The following SESTD1 variants were observed in gnomAD, a reference collection of about 807,000 sequenced individuals.
The protein encoded by SESTD1 is SEC14 and spectrin domain containing 1.
A neutral mutation model predicts 101.7 loss-of-function variants in SESTD1; 43 were observed. The observed-to-expected ratio is 0.42, with a 90% CI of 0.33 to 0.55. SESTD1 has a LOEUF of 0.55. Among genes scored for constraint, SESTD1 ranks in the 20% least tolerant of loss-of-function variants. The pLI is 0.07. For missense variants in SESTD1, 647 were observed against 815.1 expected, an observed-to-expected ratio of 0.79 and a Z score of 2.51; for synonymous variants, 283 against 286.8, an observed-to-expected ratio of 0.99 and a Z score of 0.13.
chr2:179,176,385 T>C, intron 4 of SESTD1, 63 bp downstream of exon 4: 2 of 1,315,846 alleles, frequency 1.5e-6, no homozygotes, highest in Non-Finnish European at 1.1e-6. Context: ...GCATTTGCCA[T>C]TTTCACCAGG....
intron 17 of SESTD1, among the ~76,000 whole-genome samples, chr2:179,111,678 G>GAATC (rs2044510302): frequency 6.6e-6 from 1 of 151,020 alleles, no homozygotes; most frequent in Non-Finnish European, 1.5e-5. Flanking sequence ...TTTTCAGTAA[G>GAATC]AATCAGGTCT....
chr2:179,206,111 A>G lies in SESTD1; in HGVS notation c.-25-14245T>C, dbSNP rs1400429473. On this transcript the variant is annotated intron_variant, in intron 1 of 17. Coordinates refer to ENST00000428443, the MANE Select transcript of SESTD1 (RefSeq NM_178123.5). ...ACACCACCACCACCTCCACAATAAA[A>G]TGTTAAATAACATGAAGGTGGAAAA... 1.6e-4 allele frequency among the ~76,000 whole-genome samples: 22 copies of G among 135,378 alleles called. 3 individuals are homozygous for G. Among genetic ancestry groups the G allele is most frequent in the Non-Finnish European group, 3.5e-4 (22 of 62,966 alleles). 88.8% of individuals were successfully genotyped at this position (135,378 alleles called of 152,430 possible).
intron 1 of SESTD1, among the ~76,000 whole-genome samples, chr2:179,225,770 A>T (rs930434441): frequency 1.1e-4 from 16 of 152,124 alleles, no homozygotes; most frequent in Admixed American, 1.0e-3. Flanking sequence ...CATTCCCTTC[A>T]ATCTTGAGCC....
intron 1 of SESTD1, among the ~76,000 whole-genome samples, chr2:179,245,511 G>A (rs2105550674): frequency 1.1e-5 from 1 of 93,192 alleles, no homozygotes; most frequent in African/African-American, 5.4e-5. Context: ...GTGAGACTCT[G>A]TCTCAAAAAA....
chr2:179,140,216 T>G (rs1400266659), intron 9 of SESTD1, among the ~76,000 whole-genome samples: 1 of 152,196 alleles, frequency 6.6e-6, no homozygotes, highest in Admixed American at 6.5e-5. Flanking sequence ...TAGGCTGAAC[T>G]GTGTCCCTCC....
At chr2:179,219,441 C>T (rs6745433) in intron 1 of SESTD1, among the ~76,000 whole-genome samples, 15,833 of 152,212 alleles carry the variant, frequency 0.1, 2,718 homozygotes, top group African/African-American at 0.36. Context: ...GTCTACATCA[C>T]GTAGACACAA....
chr2:179,229,749 T>TATATATATATATATATATATATA (rs2046950405), intron 1 of SESTD1, among the ~76,000 whole-genome samples: 6 of 106,362 alleles, frequency 5.6e-5, no homozygotes, highest in African/African-American at 1.0e-4. Flanking sequence ...TTGTAAGAAC[T>TATATATATATATATATATATATA]TATATATATA....
chr2:179,123,739 G>A lies in SESTD1; in HGVS notation c.1258C>T (p.Leu420Phe). 1 of 1,612,538 alleles carries A rather than the reference G, an allele frequency of 6.2e-7. No homozygotes were observed. The highest frequency in any genetic ancestry group is 8.5e-7 in the Non-Finnish European group (1 of 1,179,440). Residue 420 changes from leucine to phenylalanine, a missense_variant, in exon 12 of 18, where the codon CTT becomes TTT. By Grantham distance (22) the Leu-to-Phe change is conservative. This residue lies in a region of SESTD1 where 476 missense variants were observed against 562.6 expected (regional missense o/e 0.85). Transcript: ENST00000428443. Reference protein sequence around the residue: ...GASIQQTLKLLEEKLKSVDVG... With the variant: ...GASIQQTLKLFEEKLKSVDVG... Reference sequence around the variant, plus strand: ...CCAACACTTTTCAGCTTCTCTTCAAGCAGTTTTAAAGTTTGCTGAATCGAT... The same window carrying A: ...CCAACACTTTTCAGCTTCTCTTCAAACAGTTTTAAAGTTTGCTGAATCGAT...
rs2046628565 is a variant in SESTD1 at position 179,209,784 on chromosome 2, C to T, written c.-25-17918G>A. ...GTCGGAAAGTGCACAAATTGACAAT[C>T]TAAGTTCACACCTCAAAGAACTAGA... On this transcript the variant is annotated intron_variant, in intron 1 of 17. Coordinates refer to ENST00000428443, the MANE Select transcript of SESTD1 (RefSeq NM_178123.5). 1.5e-5 allele frequency among the ~76,000 whole-genome samples: 2 copies of T among 133,454 alleles called. 1 individual carries two copies. Among genetic ancestry groups the T allele is most frequent in the Non-Finnish European group, 3.2e-5 (2 of 62,234 alleles). The allele number at this position is 133,454 out of a possible 152,430, so 87.6% of individuals were successfully genotyped here. A position where few individuals can be genotyped will look rare whatever the true frequency, so the allele number is the denominator to read the frequency against.
At chr2:179,148,807 T>C (rs1464879429) in intron 7 of SESTD1, among the ~76,000 whole-genome samples, 1 of 152,092 alleles carries the variant, frequency 6.6e-6, no homozygotes, top group Non-Finnish European at 1.5e-5. Flanking sequence ...ACGTCTGTAA[T>C]CCCAGCACTT....
At chr2:179,158,443 A>C (rs2045670676) in intron 5 of SESTD1, among the ~76,000 whole-genome samples, 1 of 152,174 alleles carries the variant, frequency 6.6e-6, no homozygotes, top group African/African-American at 2.4e-5. Flanking sequence ...GCCACACGGA[A>C]ATTTTCCAGT....
intron 1 of SESTD1, among the ~76,000 whole-genome samples, chr2:179,234,932 G>GAAAAAAAAA: frequency 6.9e-6 from 1 of 145,758 alleles, no homozygotes; most frequent in African/African-American, 2.5e-5. Context: ...AACATAGTGA[G>GAAAAAAAAA]ATCTCATCTC....
chr2:179,107,263 T>A lies in SESTD1; in HGVS notation c.*2636A>T, dbSNP rs954218460. ...ATAACTCTATGTACAGATACACATA[T>A]GAAAGCAGCAGCAAATTTACAGATG... On this transcript the variant is annotated 3_prime_UTR_variant, in exon 18 of 18. Transcript: ENST00000428443. 6.6e-6 allele frequency: 1 copy of A among 152,218 alleles called. No individual in the cohort carries two copies. Among genetic ancestry groups the A allele is most frequent in the Admixed American group, 6.5e-5 (1 of 15,276 alleles). The allele number at this position is 152,218 out of a possible 1,614,324, so 9.4% of individuals were successfully genotyped here.
rs374250781 is a variant in SESTD1 at position 179,112,860 on chromosome 2, A to C, written c.1840-15T>G. 2.5e-6 allele frequency: 4 copies of C among 1,603,326 alleles called. No individual in the cohort carries two copies. The highest frequency in any genetic ancestry group is 3.4e-6 in the Non-Finnish European group (4 of 1,177,920). On this transcript the variant is annotated splice_polypyrimidine_tract_variant and intron_variant, in intron 16 of 17. Transcript: ENST00000428443. ...TCCTGCAAAATCTGCAACAAATAAA[A>C]GAGCAACATCAATCAAGAGACACAG...
chr2:179,209,384 T>C lies in SESTD1; in HGVS notation c.-25-17518A>G, dbSNP rs1469892000. 4.5e-5 allele frequency among the ~76,000 whole-genome samples: 6 copies of C among 134,650 alleles called. 1 individual carries two copies. Among genetic ancestry groups the C allele is most frequent in the African/African-American group, 1.8e-4 (6 of 34,082 alleles). The allele number at this position is 134,650 out of a possible 152,430, so 88.3% of individuals were successfully genotyped here. ...CTAGAACAAATGGACTTAACAGATA[T>C]TTACAGAACATTCTACCCAACAAAT... is the stretch of plus-strand genomic sequence containing the variant. On this transcript the variant is annotated intron_variant, in intron 1 of 17. Transcript: ENST00000428443.
intron 4 of SESTD1, among the ~76,000 whole-genome samples, chr2:179,176,223 T>C (rs1312722846): frequency 6.6e-6 from 1 of 152,158 alleles, no homozygotes; most frequent in Non-Finnish European, 1.5e-5. Context: ...ACATATTATT[T>C]TCATTTACAA....
At position 179,176,524 on chromosome 2, in the gene SESTD1, G is replaced by A; in HGVS notation, c.179C>T (p.Ala60Val). ...ATCCACAATCACGGTAAATCCTCTA[G>A]CCTTACACTTCTCACTGAAACAAAA... ...LLSIPSEKCK[A>V]RGFTVIVDGR... The change falls in exon 4 of 18, where the codon GCT becomes GTT. Residue 60 changes from alanine to valine, a missense_variant. Ala to Val is a moderately conservative substitution (Grantham distance 64, BLOSUM62 0). Around this residue, in one of 3 missense-constraint regions of SESTD1, gnomAD observed 168 missense variants for 235.1 expected, o/e 0.71. Coordinates refer to ENST00000428443, the MANE Select transcript of SESTD1 (RefSeq NM_178123.5). 6.2e-7 allele frequency: 1 copy of A among 1,612,828 alleles called. No individual in the cohort carries two copies.
chr2:179,122,316 T>G (rs17454108), intron 12 of SESTD1, among the ~76,000 whole-genome samples: 8,481 of 152,284 alleles, frequency 0.056, 300 homozygotes, highest in South Asian at 0.091. Context: ...AAGGCAAACA[T>G]GTTGTTTAAA....
At position 179,112,946 on chromosome 2, in the gene SESTD1, C is replaced by T. The variant is rs1404479599; in HGVS notation, c.1840-101G>A. On this transcript the variant is annotated intron_variant, in intron 16 of 17. Coordinates refer to ENST00000428443, the MANE Select transcript of SESTD1 (RefSeq NM_178123.5). Reference sequence around the variant, plus strand: ...CAAAAAAAAAGAGAGAAAAGAAAGACACAGAAATGGAATCAAGCTCATACA... The same window carrying T: ...CAAAAAAAAAGAGAGAAAAGAAAGATACAGAAATGGAATCAAGCTCATACA... 1.3e-5 allele frequency: 18 copies of T among 1,424,988 alleles called. No individual in the cohort carries two copies. In the East Asian group the frequency reaches 4.0e-4, roughly 32 times the overall value. The allele number at this position is 1,424,988 out of a possible 1,614,324, so 88.3% of individuals were successfully genotyped here.
Sources: allele counts gnomAD v4.1 joint callset (sites outside exome capture counted in the v4.1 genomes callset), GRCh38; gene constraint gnomAD v4.1.1; regional missense constraint gnomAD v4.1.1; transcripts MANE v1.5; gene names NCBI Gene and HGNC (gene_info 2026-07-23, HGNC 2026-07-21).